The following OR2L13 variants were observed in gnomAD, a reference collection of about 807,000 sequenced individuals.
OR2L13 encodes olfactory receptor 2L13.
In OR2L13, 14 loss-of-function variants were observed where a neutral mutation model predicts 15.3. The ratio of observed to expected loss-of-function variants is 0.91; its 90% CI spans 0.60 to 1.43. The LOEUF (loss-of-function observed/expected upper bound fraction) is 1.43, where lower values mean the gene tolerates loss of function less well. Among genes scored for constraint, OR2L13 ranks in the 40% most tolerant of loss-of-function variants. The pLI is 0.00. For synonymous variants in OR2L13, 152 were observed against 142.9 expected (o/e 1.06, Z -0.45); for missense variants, 367 against 387.9 (o/e 0.95, Z 0.45).
the OR2L13 span, among the ~76,000 whole-genome samples, chr1:248,067,181 C>T: frequency 6.6e-6 from 1 of 152,148 alleles, no homozygotes; most frequent in Non-Finnish European, 1.5e-5. Context: ...TTTACCTTTT[C>T]AATGTGCAGT....
the OR2L13 span, chr1:247,990,941 A>C: frequency 6.8e-7 from 1 of 1,467,940 alleles, no homozygotes; most frequent in Non-Finnish European, 9.5e-7. Flanking sequence ...CTTGCTGTCT[A>C]CCACATGCAC....
At chr1:247,999,962 A>G in the OR2L13 span, among the ~76,000 whole-genome samples, 1 of 152,172 alleles carries the variant, frequency 6.6e-6, no homozygotes, top group Non-Finnish European at 1.5e-5. Flanking sequence ...ATATCACTTC[A>G]GAAGAGAGAA....
At chr1:247,938,073 A>G in the OR2L13 span, among the ~76,000 whole-genome samples, 1 of 152,170 alleles carries the variant, frequency 6.6e-6, no homozygotes, top group Admixed American at 6.5e-5. Context: ...ATTATCTTCT[A>G]ATAATACAAC....
chr1:248,016,964 T>TTTCTGGC, the OR2L13 span, among the ~76,000 whole-genome samples: 1 of 152,160 alleles, frequency 6.6e-6, no homozygotes, highest in South Asian at 2.1e-4. Context: ...AATCCTGACA[T>TTTCTGGC]ATTGCAAGTG....
chr1:247,993,375 G>A, the OR2L13 span, among the ~76,000 whole-genome samples: 1 of 130,220 alleles, frequency 7.7e-6, no homozygotes, highest in Non-Finnish European at 1.6e-5. Context: ...AAGCTCTTTT[G>A]TTTAATTAAG....
chr1:248,023,574 C>T, the OR2L13 span: 1 of 152,196 alleles, frequency 6.6e-6, no homozygotes, highest in Non-Finnish European at 1.5e-5. Flanking sequence ...TATTCTCATG[C>T]AAGACGTTCT....
chr1:248,027,215 C>T, the OR2L13 span, among the ~76,000 whole-genome samples: 2 of 152,190 alleles, frequency 1.3e-5, no homozygotes, highest in African/African-American at 2.4e-5. Context: ...TCCTGTAGTG[C>T]TCCCAGGCTT....
the OR2L13 span, among the ~76,000 whole-genome samples, chr1:248,029,843 T>C: frequency 1.3e-5 from 2 of 152,190 alleles, no homozygotes; most frequent in African/African-American, 4.8e-5. Context: ...AATATGTTTG[T>C]TTCTTCCTCC....
the OR2L13 span, among the ~76,000 whole-genome samples, chr1:247,950,928 C>G: frequency 9.9e-5 from 15 of 152,014 alleles, no homozygotes; most frequent in Non-Finnish European, 2.1e-4. Flanking sequence ...TTGGAATGTT[C>G]CCAACAGAGA....
At chr1:248,015,420 G>C in the OR2L13 span, among the ~76,000 whole-genome samples, 1 of 152,086 alleles carries the variant, frequency 6.6e-6, no homozygotes, top group Non-Finnish European at 1.5e-5. Flanking sequence ...TGTTGTCAAT[G>C]TGAAATAATT....
At chr1:248,073,423 C>G in the OR2L13 span, among the ~76,000 whole-genome samples, 12 of 150,628 alleles carry the variant, frequency 8.0e-5, no homozygotes, top group South Asian at 2.1e-4. Context: ...GGGAATTGAA[C>G]ATTAAGAATA....
At chr1:247,947,559 T>TC in the OR2L13 span, among the ~76,000 whole-genome samples, 4 of 152,272 alleles carry the variant, frequency 2.6e-5, no homozygotes, top group South Asian at 6.2e-4. Context: ...GGCAATTGCA[T>TC]GCTCCTCCAA....
the OR2L13 span, among the ~76,000 whole-genome samples, chr1:248,082,094 AATGTCC>A: frequency 4.0e-5 from 6 of 149,228 alleles, no homozygotes; most frequent in African/African-American, 7.6e-5. Context: ...AACCAACCCA[AATGTCC>A]AACAATGATA....
At chr1:247,979,547 T>TTA in the OR2L13 span, among the ~76,000 whole-genome samples, 2 of 152,100 alleles carry the variant, frequency 1.3e-5, no homozygotes, top group Admixed American at 6.5e-5. Context: ...ACATTTTTTT[T>TTA]ATCCAGTCTA....
chr1:247,978,513 A>G, the OR2L13 span, among the ~76,000 whole-genome samples: 2 of 152,232 alleles, frequency 1.3e-5, no homozygotes, highest in African/African-American at 4.8e-5. Context: ...TATGCATTTC[A>G]TGTGCCTGCA....
chr1:248,002,837 G>A, the OR2L13 span, among the ~76,000 whole-genome samples: 1 of 148,318 alleles, frequency 6.7e-6, no homozygotes, highest in African/African-American at 2.5e-5. Flanking sequence ...CAGCCTGGGC[G>A]AAGCGAGACT....
the OR2L13 span, among the ~76,000 whole-genome samples, chr1:247,940,731 C>CGTGTGTGT: frequency 4.5e-3 from 661 of 147,154 alleles, 4 homozygotes; most frequent in African/African-American, 0.014. Flanking sequence ...TGCATACGTG[C>CGTGTGTGT]GTGTGTGTGT....
At chr1:248,013,057 G>A in the OR2L13 span, among the ~76,000 whole-genome samples, 1 of 150,942 alleles carries the variant, frequency 6.6e-6, no homozygotes, top group South Asian at 2.1e-4. Flanking sequence ...AAATTTAATG[G>A]GTATTTCTAG....
chr1:248,056,544 T>G, the OR2L13 span, among the ~76,000 whole-genome samples: 1 of 152,296 alleles, frequency 6.6e-6, no homozygotes, highest in East Asian at 1.9e-4. Flanking sequence ...GAGATTCTGA[T>G]GAGTTGTCTC....
Sources: allele counts gnomAD v4.1 joint callset (sites outside exome capture counted in the v4.1 genomes callset), GRCh38; gene constraint gnomAD v4.1.1; transcripts MANE v1.5; gene names NCBI Gene and HGNC (gene_info 2026-07-23, HGNC 2026-07-21).